Variants in TENT5D observed in about 807,000 individuals in gnomAD.
TENT5D encodes the protein cancer/testis antigen 112.
For synonymous variants in TENT5D, 103 were observed against 100.6 expected (o/e 1.02, Z -0.15); for missense variants, 191 against 287.0 (o/e 0.67, Z 2.42).
At chrX:80,369,849 G>T (rs778634466) in intron 3 of TENT5D, among the ~76,000 whole-genome samples, 5 of 111,779 alleles carry the variant, frequency 4.5e-5, no homozygotes, top group African/African-American at 1.6e-4. Flanking sequence ...TGTTCAGGGG[G>T]CAGTGTCCTT....
At chrX:80,380,497 C>T (rs1332604847) in intron 3 of TENT5D, among the ~76,000 whole-genome samples, 1 of 110,956 alleles carries the variant, frequency 9.0e-6, no homozygotes, top group Non-Finnish European at 1.9e-5. Context: ...GAGCTGAGTT[C>T]AAATCCTGGG....
chrX:80,367,746 G>A (rs1472926340), intron 3 of TENT5D, among the ~76,000 whole-genome samples: 1 of 111,789 alleles, frequency 8.9e-6, no homozygotes, highest in Non-Finnish European at 1.9e-5. Flanking sequence ...GATACAGAAA[G>A]ATAAACTTCA....
intron 3 of TENT5D, among the ~76,000 whole-genome samples, chrX:80,378,295 A>C (rs965735643): frequency 1.8e-5 from 2 of 111,272 alleles, no homozygotes; most frequent in Non-Finnish European, 3.8e-5. Context: ...GGTGTTTTAG[A>C]CATGAAGTCC....
At chrX:80,416,025 T>C (rs1931765685), upstream of TENT5D, among the ~76,000 whole-genome samples, 1 of 111,903 alleles carries the variant, frequency 8.9e-6, no homozygotes, top group African/African-American at 3.2e-5. Context: ...TCTCAGTTGT[T>C]GTATGTTTAC....
intron 1 of TENT5D, among the ~76,000 whole-genome samples, chrX:80,429,863 G>T (rs1185686593): frequency 4.5e-5 from 5 of 111,448 alleles, no homozygotes; most frequent in African/African-American, 1.6e-4. Flanking sequence ...AGATAGGGAG[G>T]TGTGTTTCAC....
At chrX:80,353,372 C>A (rs1302533389) in intron 3 of TENT5D, among the ~76,000 whole-genome samples, 1 of 111,455 alleles carries the variant, frequency 9.0e-6, no homozygotes, top group African/African-American at 3.3e-5. Context: ...ATTATTTTGT[C>A]ACCCAGGCAA....
intron 2 of TENT5D, among the ~76,000 whole-genome samples, chrX:80,439,718 T>C (rs1465638545): frequency 9.0e-6 from 1 of 110,972 alleles, no homozygotes; most frequent in Non-Finnish European, 1.9e-5. Context: ...TACAAATCAC[T>C]TATATTTACT....
intron 3 of TENT5D, chrX:80,342,642 A>G (rs1254680978): frequency 3.6e-5 from 4 of 112,373 alleles, no homozygotes; most frequent in African/African-American, 6.5e-5. Context: ...GTTAAAGACC[A>G]TACATCAGAT....
At chrX:80,365,969 TA>T (rs1374262296) in intron 3 of TENT5D, among the ~76,000 whole-genome samples, 2 of 111,662 alleles carry the variant, frequency 1.8e-5, no homozygotes, top group African/African-American at 6.5e-5. Flanking sequence ...AGTAATAGAA[TA>T]ATTGTAATAG....
chrX:80,360,458 G>GGTGCTA (rs1158908654), intron 3 of TENT5D, among the ~76,000 whole-genome samples: 2 of 111,758 alleles, frequency 1.8e-5, no homozygotes, highest in Non-Finnish European at 3.8e-5. Context: ...AGAAATTGTT[G>GGTGCTA]GTGCTAGCCA....
At chrX:80,394,640 C>T (rs1443873324) in intron 3 of TENT5D, among the ~76,000 whole-genome samples, 1 of 110,449 alleles carries the variant, frequency 9.1e-6, no homozygotes, top group African/African-American at 3.3e-5. Flanking sequence ...GTGATCCACC[C>T]ACCTCAGCCT....
intron 3 of TENT5D, among the ~76,000 whole-genome samples, chrX:80,380,006 G>T (rs955155310): frequency 9.5e-6 from 1 of 105,153 alleles, no homozygotes; most frequent in Non-Finnish European, 1.9e-5. Context: ...GCTTGCTTTT[G>T]AATTTGTTTG....
chrX:80,406,046 G>C (rs1602210737), intron 3 of TENT5D, among the ~76,000 whole-genome samples: 1 of 108,794 alleles, frequency 9.2e-6, no homozygotes, highest in East Asian at 2.9e-4. Flanking sequence ...GGTCCTGTCT[G>C]TTAGAAGGAA....
chrX:80,422,319 A>C (rs766351360), intron 1 of TENT5D, among the ~76,000 whole-genome samples: 1 of 111,128 alleles, frequency 9.0e-6, no homozygotes, highest in South Asian at 3.9e-4. Flanking sequence ...CTAAAAATAC[A>C]AAAATTAGCT....
chrX:80,409,573 AC>A (rs990120487), intron 3 of TENT5D, among the ~76,000 whole-genome samples: 4 of 110,524 alleles, frequency 3.6e-5, no homozygotes, highest in African/African-American at 1.3e-4. Context: ...AGAACTACAA[AC>A]CACTGCTCAA....
intron 3 of TENT5D, among the ~76,000 whole-genome samples, chrX:80,345,726 T>C (rs1401055231): frequency 1.8e-5 from 2 of 111,997 alleles, no homozygotes; most frequent in Non-Finnish European, 3.8e-5. Flanking sequence ...CTTCAAGCCC[T>C]CTCTGTAGCA....
intron 3 of TENT5D, among the ~76,000 whole-genome samples, chrX:80,389,799 CAA>C (rs1351434894): frequency 9.0e-6 from 1 of 111,697 alleles, no homozygotes; most frequent in Admixed American, 9.5e-5. Context: ...AAAATGGAGA[CAA>C]GACATATAGC....
chrX:80,352,404 T>C (rs1930196458), intron 3 of TENT5D, among the ~76,000 whole-genome samples: 1 of 111,551 alleles, frequency 9.0e-6, no homozygotes, highest in African/African-American at 3.3e-5. Context: ...ATAGCCGCTT[T>C]GCCACGCTTT....
intron 3 of TENT5D, among the ~76,000 whole-genome samples, chrX:80,389,384 G>A (rs1931084879): frequency 8.9e-6 from 1 of 112,137 alleles, no homozygotes. Context: ...TGCTAAGTAG[G>A]CAATTAGATA....
Sources: gnomAD v4.1 joint callset for allele counts (sites outside exome capture counted in the v4.1 genomes callset) on GRCh38, gnomAD v4.1.1 for gene constraint, MANE v1.5 for transcripts, NCBI Gene and HGNC (gene_info 2026-07-23, HGNC 2026-07-21) for gene names.